Variants in EML1 observed in about 807,000 individuals in gnomAD.
The protein encoded by EML1 is EMAP like 1, also known as echinoderm microtubule-associated protein-like 1.
In EML1, 27 loss-of-function variants were observed where a neutral mutation model predicts 110.4. The observed-to-expected ratio is 0.24, with a 90% CI of 0.18 to 0.34. The LOEUF is 0.34. Among genes scored for constraint, EML1 ranks in the 10% least tolerant of loss-of-function variants. EML1 has a pLI of 1.00. For synonymous variants in EML1, 344 were observed against 385.8 expected (o/e 0.89, Z 1.27); for missense variants, 741 against 1,030.9 (o/e 0.72, Z 3.85).
At chr14:99,837,587 GT>G (rs2139792856) in intron 1 of EML1, among the ~76,000 whole-genome samples, 1 of 152,212 alleles carries the variant, frequency 6.6e-6, no homozygotes, top group African/African-American at 2.4e-5. Flanking sequence ...ACCTTAAACC[GT>G]TGTAGCTCCA....
chr14:99,748,808 G>A (rs2057142684), intron 1 of EML1, among the ~76,000 whole-genome samples: 1 of 152,162 alleles, frequency 6.6e-6, no homozygotes. Context: ...CCCATTAGTA[G>A]CGACCCCTTC....
intron 17 of EML1, among the ~76,000 whole-genome samples, chr14:99,927,909 GTGGTATTGGTGGTGGTGGTGA>G (rs2060275414): frequency 7.7e-6 from 1 of 130,258 alleles, no homozygotes; most frequent in Non-Finnish European, 1.6e-5. Flanking sequence ...GGTGGTGGTG[GTGGTATTGGTGGTGGTGGTGA>G]TGGTGGTGAT....
chr14:99,875,939 C>T (rs1367557409), intron 3 of EML1, among the ~76,000 whole-genome samples: 2 of 152,222 alleles, frequency 1.3e-5, no homozygotes, highest in Non-Finnish European at 2.9e-5. Context: ...GATTCTGGCA[C>T]TGTCCACTCA....
intron 1 of EML1, among the ~76,000 whole-genome samples, chr14:99,740,533 G>C (rs926793992): frequency 6.6e-6 from 1 of 152,204 alleles, no homozygotes; most frequent in African/African-American, 2.4e-5. Flanking sequence ...GCAGGAGGTG[G>C]CCGGCCCCTG....
chr14:99,926,283 G>T (rs1326650342), intron 17 of EML1, among the ~76,000 whole-genome samples: 4 of 130,326 alleles, frequency 3.1e-5, no homozygotes, highest in Non-Finnish European at 5.1e-5. Context: ...TGTTTTTTGG[G>T]GTTTTTTTTT....
At chr14:99,776,801 C>A (rs17099039) in intron 1 of EML1, among the ~76,000 whole-genome samples, 5,046 of 152,236 alleles carry the variant, frequency 0.033, 269 homozygotes, top group African/African-American at 0.11. Context: ...GATTTCTCAA[C>A]AGAGTGGCCA....
intron 1 of EML1, among the ~76,000 whole-genome samples, chr14:99,831,100 G>A (rs554051079): frequency 6.6e-6 from 1 of 152,124 alleles, no homozygotes; most frequent in African/African-American, 2.4e-5. Flanking sequence ...ATTTTCAAGT[G>A]TATTTTAAAA....
upstream of EML1, among the ~76,000 whole-genome samples, chr14:99,770,377 T>TTCTTTCTA (rs1555388115): frequency 3.3e-5 from 5 of 150,184 alleles, no homozygotes; most frequent in African/African-American, 1.2e-4. Flanking sequence ...AAAAATTTCT[T>TTCTTTCTA]TCTATCTATC....
intron 13 of EML1, among the ~76,000 whole-genome samples, chr14:99,913,064 C>T (rs1008334356): frequency 2.0e-5 from 3 of 152,174 alleles, no homozygotes; most frequent in African/African-American, 7.2e-5. Flanking sequence ...GCAATTCTTT[C>T]TCTTAACATT....
chr14:99,937,094 G>A (rs978948745), intron 19 of EML1, among the ~76,000 whole-genome samples: 4 of 152,200 alleles, frequency 2.6e-5, no homozygotes, highest in African/African-American at 7.2e-5. Flanking sequence ...CAGGCCCCAA[G>A]AGCCCACGGG....
intron 1 of EML1, among the ~76,000 whole-genome samples, chr14:99,776,656 C>T (rs144502952): frequency 2.6e-5 from 4 of 152,186 alleles, no homozygotes; most frequent in Non-Finnish European, 5.9e-5. Flanking sequence ...AGGGGCACAG[C>T]TCAGTATATG....
In EML1 at chr14:99,793,413, A is replaced by T. The variant is rs930902244; in HGVS notation, c.-64A>T. On this transcript the variant is annotated 5_prime_UTR_variant, in exon 1 of 22. Coordinates refer to ENST00000262233, the MANE Select transcript of EML1 (RefSeq NM_004434.3). ...CGCCGGTCGCGGTCGGGCTCAGCTC[A>T]GTGTGTGGTGAGCGGCGGCGGCGCG... The T allele has an allele frequency of 3.2e-5, 32 of 1,014,594 alleles. No individual in the cohort carries two copies. In the African/African-American group the frequency reaches 5.1e-4, roughly 16 times the overall value. 62.8% of individuals were successfully genotyped at this position (1,014,594 alleles called of 1,614,324 possible). A position where few individuals can be genotyped will look rare whatever the true frequency, so the allele number is the denominator to read the frequency against.
chr14:99,882,686 A>C (rs1241395411), intron 4 of EML1, among the ~76,000 whole-genome samples: 1 of 151,346 alleles, frequency 6.6e-6, no homozygotes, highest in African/African-American at 2.4e-5. Flanking sequence ...GAAAATTGCC[A>C]AAAAAATCTC....
intron 5 of EML1, among the ~76,000 whole-genome samples, chr14:99,893,363 A>G (rs1170031584): frequency 6.6e-6 from 1 of 152,144 alleles, no homozygotes; most frequent in Non-Finnish European, 1.5e-5. Flanking sequence ...CACCTGGGGA[A>G]GTTGGCACCA....
chr14:99,738,818 G>T (rs1440224514), intron 1 of EML1, among the ~76,000 whole-genome samples: 3 of 152,174 alleles, frequency 2.0e-5, no homozygotes, highest in African/African-American at 7.2e-5. Flanking sequence ...ATCCCAGGCA[G>T]CCCAGGCAGC....
chr14:99,740,672 C>G (rs2057031558), intron 1 of EML1, among the ~76,000 whole-genome samples: 1 of 152,306 alleles, frequency 6.6e-6, no homozygotes, highest in East Asian at 1.9e-4. Flanking sequence ...AAGGCGCTTC[C>G]TTTACAGTTG....
intron 1 of EML1, among the ~76,000 whole-genome samples, chr14:99,751,937 C>T (rs1170156007): frequency 1.3e-5 from 2 of 152,066 alleles, no homozygotes; most frequent in African/African-American, 4.8e-5. Flanking sequence ...ACCTCACATC[C>T]GTTTTACGGG....
intron 1 of EML1, among the ~76,000 whole-genome samples, chr14:99,841,071 T>C (rs930233639): frequency 4.6e-5 from 7 of 152,096 alleles, no homozygotes; most frequent in African/African-American, 1.4e-4. Flanking sequence ...GAGAGTCAAG[T>C]TGGAGCTGGA....
chr14:99,801,896 G>A (rs934106724), intron 1 of EML1, among the ~76,000 whole-genome samples: 1 of 152,174 alleles, frequency 6.6e-6, no homozygotes, highest in Non-Finnish European at 1.5e-5. Context: ...GGGTTCCAGC[G>A]AAATGCGAGG....
Sources: gnomAD v4.1 joint callset for allele counts (sites outside exome capture counted in the v4.1 genomes callset) on GRCh38, gnomAD v4.1.1 for gene constraint, MANE v1.5 for transcripts, NCBI Gene and HGNC (gene_info 2026-07-23, HGNC 2026-07-21) for gene names.